The following PRRG4 variants were observed in gnomAD, a reference collection of about 807,000 sequenced individuals.
PRRG4 encodes the protein transmembrane gamma-carboxyglutamic acid protein 4.
In PRRG4, 12 loss-of-function variants were observed where a neutral mutation model predicts 20.0. The ratio of observed to expected loss-of-function variants is 0.60; its 90% confidence interval spans 0.38 to 0.97. The LOEUF is 0.97. Ranked by LOEUF, PRRG4 falls within the 50% of genes least tolerant of loss-of-function variation. The pLI, the probability that PRRG4 is intolerant of heterozygous loss-of-function variation, is 0.00. For synonymous variants in PRRG4, 94 were observed against 96.4 expected (o/e 0.98, Z 0.15); for missense variants, 199 against 265.1 (o/e 0.75, Z 1.73).
At chr11:32,850,239 T>C (rs1294534549) in intron 5 of PRRG4, among the ~76,000 whole-genome samples, 1 of 152,214 alleles carries the variant, frequency 6.6e-6, no homozygotes, top group Non-Finnish European at 1.5e-5. Flanking sequence ...TCTCCCCTGC[T>C]TTTCTTCATT....
chr11:32,852,772 CTTTTTTTT>C (rs531547410), intron 5 of PRRG4, among the ~76,000 whole-genome samples: 1 of 126,702 alleles, frequency 7.9e-6, no homozygotes, highest in African/African-American at 3.0e-5. Flanking sequence ...TCAGATTTCT[CTTTTTTTT>C]TTTTTTTTTT....
At chr11:32,830,410 G>C in intron 1 of PRRG4, 98 bp from the exon 2 acceptor site, 7 of 1,044,172 alleles carry the variant, frequency 6.7e-6, no homozygotes, top group Non-Finnish European at 8.9e-6. Flanking sequence ...CTTGCGCCTA[G>C]GCTTTGAGTA....
intron 5 of PRRG4, among the ~76,000 whole-genome samples, chr11:32,844,702 T>C (rs1045235084): frequency 3.9e-5 from 6 of 152,070 alleles, no homozygotes; most frequent in African/African-American, 1.4e-4. Context: ...GGTTTCACCA[T>C]GTTGGCCAGG....
intron 5 of PRRG4, among the ~76,000 whole-genome samples, chr11:32,847,075 A>G (rs888100685): frequency 1.3e-5 from 2 of 152,040 alleles, no homozygotes; most frequent in African/African-American, 4.8e-5. Context: ...GAAGAAATAT[A>G]TGTATGGAAG....
chr11:32,853,506 T>A lies in PRRG4; in HGVS notation c.660T>A (p.Ser220=). ...AAGGATTTAGGGTATTTAAAAAATC[T>A]ATGTCTCTCCCATCTCACTGACTAC... is the stretch of plus-strand genomic sequence containing the variant. ...HTKGFRVFKK[S]MSLPSH Residue 220 remains serine (S), a synonymous_variant, in exon 6 of 6, where the codon TCT becomes TCA. Transcript: ENST00000257836. 1.9e-6 allele frequency: 3 copies of A among 1,613,352 alleles called. No individual in the cohort carries two copies. Among genetic ancestry groups the A allele is most frequent in the Non-Finnish European group, 2.5e-6 (3 of 1,179,594 alleles).
intron 2 of PRRG4, among the ~76,000 whole-genome samples, chr11:32,835,863 G>C (rs1851015060): frequency 6.6e-6 from 1 of 152,040 alleles, no homozygotes; most frequent in African/African-American, 2.4e-5. Flanking sequence ...CAGCACTTTG[G>C]GAGGCTCAGG....
intron 3 of PRRG4, among the ~76,000 whole-genome samples, chr11:32,837,541 GATT>G (rs35934196): frequency 0.056 from 5,310 of 95,324 alleles, 111 homozygotes; most frequent in Middle Eastern, 0.088. Flanking sequence ...TGATGATGAT[GATT>G]ATTATTATTA....
intron 5 of PRRG4, among the ~76,000 whole-genome samples, chr11:32,844,185 C>T (rs1851105449): frequency 2.6e-5 from 4 of 152,182 alleles, no homozygotes; most frequent in Admixed American, 2.0e-4. Flanking sequence ...ACTAACTAGC[C>T]GTTTGACTTT....
chr11:32,833,997 A>G (rs952001714), intron 2 of PRRG4, among the ~76,000 whole-genome samples: 7 of 152,186 alleles, frequency 4.6e-5, no homozygotes, highest in African/African-American at 1.7e-4. Flanking sequence ...AACAGTAAGT[A>G]CAAAGGCCAG....
At chr11:32,841,578 C>G (rs1851079030) in intron 5 of PRRG4, among the ~76,000 whole-genome samples, 1 of 152,134 alleles carries the variant, frequency 6.6e-6, no homozygotes. Flanking sequence ...GTGAGAGGAT[C>G]ACTTGAGGCC....
chr11:32,848,208 C>A (rs920955459), intron 5 of PRRG4, among the ~76,000 whole-genome samples: 1 of 152,112 alleles, frequency 6.6e-6, no homozygotes, highest in Non-Finnish European at 1.5e-5. Context: ...AACATTATTC[C>A]TCACATGGCA....
intron 5 of PRRG4, among the ~76,000 whole-genome samples, chr11:32,847,868 AAGAAGCC>A (rs374638814): frequency 1.4e-4 from 22 of 152,338 alleles, no homozygotes; most frequent in African/African-American, 5.3e-4. Context: ...TACCAAGTGA[AAGAAGCC>A]AGACACAAAA....
At chr11:32,852,755 G>A (rs991872992) in intron 5 of PRRG4, among the ~76,000 whole-genome samples, 1 of 150,110 alleles carries the variant, frequency 6.7e-6, no homozygotes, top group African/African-American at 2.5e-5. Context: ...GTTAGGAAAT[G>A]ACAGGATCAG....
chr11:32,851,001 A>T (rs1325775966), intron 5 of PRRG4, among the ~76,000 whole-genome samples: 1 of 152,168 alleles, frequency 6.6e-6, no homozygotes, highest in Non-Finnish European at 1.5e-5. Context: ...TGAACCTGGG[A>T]GGTGGAGGTT....
Position 32,850,542 on chromosome 11 carries a change from G to A in PRRG4, c.450-2754G>A, listed in dbSNP as rs76812565. On this transcript the variant is annotated intron_variant, in intron 5 of 5. Coordinates refer to ENST00000257836, the MANE Select transcript of PRRG4 (RefSeq NM_024081.6). ...ACTTTGTTCCCCTCAGCAACTCTCT[G>A]AGTTTCAGAGGATATTCCAAACTTG... Among the ~76,000 whole-genome samples, 596 of 152,234 alleles carry A rather than the reference G, an allele frequency of 3.9e-3. 27 individuals carry two copies. The East Asian group carries it at 0.099, about 25-fold the overall frequency.
chr11:32,837,525 TGATGATGATGATGATG>T (rs1851032505), intron 3 of PRRG4, among the ~76,000 whole-genome samples: 9 of 110,542 alleles, frequency 8.1e-5, no homozygotes, highest in African/African-American at 3.2e-4. Flanking sequence ...ATGATGATGA[TGATGATGATGATGATG>T]ATTATTATTA....
At chr11:32,839,868 A>T (rs911286716) in intron 4 of PRRG4, among the ~76,000 whole-genome samples, 13 of 147,196 alleles carry the variant, frequency 8.8e-5, no homozygotes, top group Admixed American at 2.0e-4. Flanking sequence ...AAATATATAT[A>T]TTTTAAATAA....
chr11:32,842,643 C>A (rs1305648896), intron 5 of PRRG4, among the ~76,000 whole-genome samples: 3 of 151,842 alleles, frequency 2.0e-5, no homozygotes, highest in African/African-American at 7.3e-5. Context: ...TCACTTGAAC[C>A]CAGGAGGCAG....
At chr11:32,844,625 CA>C (rs2133445946) in intron 5 of PRRG4, among the ~76,000 whole-genome samples, 1 of 152,014 alleles carries the variant, frequency 6.6e-6, no homozygotes, top group Non-Finnish European at 1.5e-5. Context: ...CTCAGCCTCC[CA>C]AGTAGCTGAG....
Sources: gnomAD v4.1 joint callset for allele counts (sites outside exome capture counted in the v4.1 genomes callset) on GRCh38, gnomAD v4.1.1 for gene constraint, MANE v1.5 for transcripts, NCBI Gene and HGNC (gene_info 2026-07-23, HGNC 2026-07-21) for gene names.